The following POC1A variants were observed in gnomAD, a reference collection of about 807,000 sequenced individuals.
The protein encoded by POC1A is POC1 centriolar protein homolog A.
In POC1A, 34 loss-of-function variants were observed where a neutral mutation model predicts 47.8. The observed-to-expected ratio is 0.71, with a 90% CI of 0.54 to 0.95. The LOEUF (loss-of-function observed/expected upper bound fraction) is 0.95. Ranked by LOEUF, POC1A falls within the 40% of genes least tolerant of loss-of-function variation. POC1A has a pLI of 0.00. For synonymous variants in POC1A, 177 were observed against 207.6 expected, an observed-to-expected ratio of 0.85 and a Z score of 1.27; for missense variants, 466 against 528.3, an observed-to-expected ratio of 0.88 and a Z score of 1.16.
At chr3:52,137,634 G>A (rs1317253811) in intron 7 of POC1A, among the ~76,000 whole-genome samples, 1 of 152,216 alleles carries the variant, frequency 6.6e-6, no homozygotes. Context: ...CCCACCCAGG[G>A]AGACCAGGGA....
chr3:52,095,535 C>T (rs1702786344), intron 10 of POC1A, among the ~76,000 whole-genome samples: 1 of 152,208 alleles, frequency 6.6e-6, no homozygotes, highest in African/African-American at 2.4e-5. Flanking sequence ...ATCCCCCACC[C>T]CCTGGCTTTA....
chr3:52,122,015 C>G (rs1303142788), intron 9 of POC1A, among the ~76,000 whole-genome samples: 1 of 152,150 alleles, frequency 6.6e-6, no homozygotes, highest in East Asian at 1.9e-4. Context: ...GGCCCTGAAC[C>G]CTCTAGGAGC....
At chr3:52,154,269 C>A in intron 1 of POC1A, 86 bp downstream of exon 1, 1 of 1,392,240 alleles carries the variant, frequency 7.2e-7, no homozygotes, top group Non-Finnish European at 9.9e-7. Context: ...CCCGCCCGCC[C>A]CTCGCAGCCA....
chr3:52,107,097 T>G (rs892477073), intron 9 of POC1A, among the ~76,000 whole-genome samples: 1 of 152,174 alleles, frequency 6.6e-6, no homozygotes, highest in Admixed American at 6.5e-5. Context: ...GACGGCTAAG[T>G]AACTTCAAAC....
At chr3:52,080,523 G>T (rs1702247295) in intron 10 of POC1A, among the ~76,000 whole-genome samples, 1 of 152,074 alleles carries the variant, frequency 6.6e-6, no homozygotes, top group South Asian at 2.1e-4. Context: ...CAGGCCTCAT[G>T]TGTCACCTCC....
chr3:52,131,624 C>A (rs1370719247), intron 7 of POC1A, among the ~76,000 whole-genome samples: 1 of 152,186 alleles, frequency 6.6e-6, no homozygotes, highest in African/African-American at 2.4e-5. Flanking sequence ...GGGCAGTGCA[C>A]ATGGACATGT....
chr3:52,098,162 C>T (rs756133371), intron 9 of POC1A, among the ~76,000 whole-genome samples: 1 of 152,216 alleles, frequency 6.6e-6, no homozygotes. Flanking sequence ...TTATCTGAAG[C>T]TACCAGCAGG....
intron 9 of POC1A, among the ~76,000 whole-genome samples, chr3:52,100,573 CA>C (rs1269255163): frequency 6.6e-6 from 1 of 152,166 alleles, no homozygotes; most frequent in African/African-American, 2.4e-5. Flanking sequence ...TCACCTATGG[CA>C]AAGCATGAGG....
At chr3:52,102,875 T>G (rs951194318) in intron 9 of POC1A, among the ~76,000 whole-genome samples, 1 of 152,012 alleles carries the variant, frequency 6.6e-6, no homozygotes, top group African/African-American at 2.4e-5. Flanking sequence ...AAAATTTACA[T>G]GGAAAGGCAA....
intron 9 of POC1A, among the ~76,000 whole-genome samples, chr3:52,104,712 A>G (rs1278759672): frequency 6.6e-6 from 1 of 152,210 alleles, no homozygotes; most frequent in Non-Finnish European, 1.5e-5. Context: ...CCAAATGCAA[A>G]GCCAGAGTCA....
intron 6 of POC1A, among the ~76,000 whole-genome samples, chr3:52,141,370 A>G (rs1698187841): frequency 6.6e-6 from 1 of 152,242 alleles, no homozygotes. Flanking sequence ...GCCAGGGCCA[A>G]GCCCCATCCC....
chr3:52,099,924 A>G (rs989675040), intron 9 of POC1A, among the ~76,000 whole-genome samples: 1 of 152,226 alleles, frequency 6.6e-6, no homozygotes, highest in Non-Finnish European at 1.5e-5. Flanking sequence ...GCCTACACCA[A>G]TTCAACAACA....
chr3:52,147,057 T>G lies in POC1A; in HGVS notation c.494A>C (p.Asp165Ala). 1 of 1,614,020 alleles carries G rather than the reference T, an allele frequency of 6.2e-7. No homozygotes were observed. Among genetic ancestry groups the G allele is most frequent in the East Asian group, 2.2e-5 (1 of 44,898 alleles). ...GTCCCACAGCTTAACAGTCTTGTCATCACTGGCAGACACGATGAGCCGCCC... is the reference window on the plus strand; with the variant it reads ...GTCCCACAGCTTAACAGTCTTGTCAGCACTGGCAGACACGATGAGCCGCCC... Reference protein sequence around the residue: ...PDGRLIVSASDDKTVKLWDKS... With the variant: ...PDGRLIVSASADKTVKLWDKS... The change falls in exon 5 of 11, where the codon GAT (aspartate) becomes GCT (alanine). Residue 165 changes from aspartate (D) to alanine (A), a missense_variant. Physicochemically the swap from Asp to Ala is moderately radical, Grantham distance 126 (BLOSUM62 -2). Coordinates refer to ENST00000296484, the MANE Select transcript of POC1A (RefSeq NM_015426.5).
chr3:52,129,950 G>T (rs112752028), intron 7 of POC1A, among the ~76,000 whole-genome samples: 9 of 152,260 alleles, frequency 5.9e-5, no homozygotes, highest in African/African-American at 1.9e-4. Flanking sequence ...GGCAAAACAA[G>T]GGAGCCCATG....
chr3:52,126,323 G>A (rs1459851622), intron 7 of POC1A, among the ~76,000 whole-genome samples: 1 of 152,224 alleles, frequency 6.6e-6, no homozygotes, highest in Admixed American at 6.5e-5. Context: ...CGAGGCCATG[G>A]AGGAAGGCAG....
chr3:52,136,566 G>C (rs992710579), intron 7 of POC1A, among the ~76,000 whole-genome samples: 1 of 152,202 alleles, frequency 6.6e-6, no homozygotes, highest in Non-Finnish European at 1.5e-5. Context: ...GAGGTCGTTG[G>C]TTCGTTTCTC....
rs1702411702 is a variant in POC1A, at chr3:52,084,972, T to C, written c.1126-8987A>G. 6.6e-6 allele frequency among the ~76,000 whole-genome samples: 1 copy of C among 152,168 alleles called. No homozygotes were observed. The highest frequency in any genetic ancestry group is 6.5e-5 in the Admixed American group (1 of 15,284). On this transcript the variant is annotated intron_variant, in intron 10 of 10. Coordinates refer to ENST00000296484, the MANE Select transcript of POC1A (RefSeq NM_015426.5). This position sits in a 1 kb window ranked among gnomAD's most constrained non-coding sequence, Gnocchi z 4.3. ...CAAGGGGAGCTGCAACTGTCCTGGG[T>C]TGGCAGGTTTGCAGGGAGGCCAGGA...
chr3:52,101,392 G>T (rs1703000908), intron 9 of POC1A, among the ~76,000 whole-genome samples: 1 of 1,282 alleles, frequency 7.8e-4, no homozygotes, highest in Non-Finnish European at 1.5e-3. Flanking sequence ...AAAAAGGCAG[G>T]GAGAAAAAAA....
intron 10 of POC1A, among the ~76,000 whole-genome samples, chr3:52,082,802 T>C (rs1458529211): frequency 1.3e-5 from 2 of 152,062 alleles, no homozygotes; most frequent in African/African-American, 2.4e-5. Context: ...CTCAGAGACA[T>C]GTCTGGCACC....
Sources: allele counts gnomAD v4.1 joint callset (sites outside exome capture counted in the v4.1 genomes callset), GRCh38; gene constraint gnomAD v4.1.1; non-coding constraint Gnocchi (gnomAD v3.1); transcripts MANE v1.5; gene names NCBI Gene and HGNC (gene_info 2026-07-23, HGNC 2026-07-21).